The following TMCC2 variants were observed in gnomAD, a reference collection of about 807,000 sequenced individuals.
TMCC2 encodes the protein transmembrane and coiled-coil domain family 2.
In TMCC2, 16 loss-of-function variants were observed where a neutral mutation model predicts 49.4. The observed-to-expected ratio is 0.32, with a 90% confidence interval of 0.22 to 0.49. The LOEUF is 0.49. Among genes scored for constraint, TMCC2 ranks in the 20% least tolerant of loss-of-function variants. The pLI, the probability that TMCC2 is intolerant of heterozygous loss-of-function variation, is 0.99. For synonymous variants in TMCC2, 397 were observed against 434.1 expected, an observed-to-expected ratio of 0.91 and a Z score of 1.06; for missense variants, 762 against 989.8, an observed-to-expected ratio of 0.77 and a Z score of 3.09.
rs1366355955 is a variant in TMCC2, at chr1:205,264,884, A to G, written c.748-4066A>G. Among the ~76,000 whole-genome samples, 1 of 152,208 alleles carries G rather than the reference A, an allele frequency of 6.6e-6. No homozygotes were observed. Among genetic ancestry groups the G allele is most frequent in the Non-Finnish European group, 1.5e-5 (1 of 68,032 alleles). On this transcript the variant is annotated intron_variant, in intron 2 of 4. Coordinates refer to ENST00000358024, the MANE Select transcript of TMCC2 (RefSeq NM_014858.4). The surrounding 1 kb of genome is among the most constrained non-coding windows in gnomAD (Gnocchi z 4.2). Reference sequence around the variant, plus strand: ...TCTCAGATACAGAAGGCTAACTATAATTGTTATCCTTATCCTTTGTCCAAA... The same window carrying G: ...TCTCAGATACAGAAGGCTAACTATAGTTGTTATCCTTATCCTTTGTCCAAA...
At chr1:205,231,524 T>G (rs1038856004) in intron 1 of TMCC2, among the ~76,000 whole-genome samples, 1 of 152,128 alleles carries the variant, frequency 6.6e-6, no homozygotes, top group Non-Finnish European at 1.5e-5. Context: ...CTTGAACTCC[T>G]GGACTCAAGC....
Position 205,269,529 on chromosome 1 carries a change from G to A in TMCC2, c.1327G>A (p.Ala443Thr), listed in dbSNP as rs578187267. 194 of 1,613,030 alleles carry A rather than the reference G, an allele frequency of 1.2e-4. 1 individual carries two copies. In the South Asian group the frequency reaches 1.8e-3, roughly 15 times the overall value. Residue 443 changes from alanine to threonine, a missense_variant, in exon 3 of 5, where the codon GCC becomes ACC. This residue lies in a region of TMCC2 where 440 missense variants were observed against 636.7 expected (regional missense o/e 0.69). Transcript: ENST00000358024. ...RNKFGSADNI[A>T]HLKDPLEDGP... ...CAAGTTTGGCAGTGCTGACAACATC[G>A]CCCACCTGAAGGACCCCCTGGAAGA...
rs368457314 is a variant in TMCC2, at chr1:205,271,950, G to A, written c.1956G>A (p.Ala652=). The A allele has an allele frequency of 2.2e-5, 35 of 1,614,052 alleles. No homozygotes were observed. In the East Asian group the frequency reaches 3.6e-4, roughly 16 times the overall value. The change falls in exon 5 of 5, where the codon GCG becomes GCA. Residue 652 remains alanine, a synonymous_variant. Transcript: ENST00000358024. The part of the protein sequence containing the change: ...LLGKFINVIL[A]LMAVLLVFVS... ...GCAAGTTCATCAACGTGATCCTGGC[G>A]CTCATGGCCGTGCTGCTGGTGTTCG...
At chr1:205,242,297 A>T (rs768256876) in intron 2 of TMCC2, among the ~76,000 whole-genome samples, 1 of 152,206 alleles carries the variant, frequency 6.6e-6, no homozygotes. Context: ...GCTGATATTA[A>T]TGTTGACTTG....
chr1:205,250,266 C>T (rs1309834498), intron 2 of TMCC2, among the ~76,000 whole-genome samples: 1 of 152,132 alleles, frequency 6.6e-6, no homozygotes, highest in Non-Finnish European at 1.5e-5. Context: ...ATCGGCCGGG[C>T]ACGGTGGCTC....
intron 2 of TMCC2, among the ~76,000 whole-genome samples, chr1:205,253,638 A>G (rs1043878013): frequency 2.0e-5 from 3 of 152,240 alleles, no homozygotes; most frequent in African/African-American, 7.2e-5. Context: ...CTTACTCCAC[A>G]GCTCCTTTTC....
chr1:205,266,463 C>T (rs566242445), intron 2 of TMCC2, among the ~76,000 whole-genome samples: 30 of 151,604 alleles, frequency 2.0e-4, no homozygotes, highest in Admixed American at 1.9e-3. Flanking sequence ...CGTGGCGGCT[C>T]ATGCCTGTAA....
intron 2 of TMCC2, among the ~76,000 whole-genome samples, chr1:205,254,022 C>T (rs1476792615): frequency 6.6e-6 from 1 of 152,248 alleles, no homozygotes; most frequent in Non-Finnish European, 1.5e-5. Context: ...TCTCCTCCAT[C>T]TCCTGATGCC....
At chr1:205,248,708 C>T (rs936486825) in intron 2 of TMCC2, among the ~76,000 whole-genome samples, 1 of 151,958 alleles carries the variant, frequency 6.6e-6, no homozygotes, top group African/African-American at 2.4e-5. Flanking sequence ...TCCCCACCCT[C>T]TTCTCCCTCT....
chr1:205,254,389 C>T (rs1016190616), intron 2 of TMCC2, among the ~76,000 whole-genome samples: 2 of 152,106 alleles, frequency 1.3e-5, no homozygotes, highest in South Asian at 4.1e-4. Context: ...CAGGGCTCTA[C>T]AGGGCCTTTC....
chr1:205,229,545 C>CGCG, intron 1 of TMCC2: 3 of 298,366 alleles, frequency 1.0e-5, no homozygotes, highest in Non-Finnish European at 1.1e-5. Flanking sequence ...TGTGAAGGGG[C>CGCG]GGGGGGGGGG....
chr1:205,257,233 G>A (rs1366946565), intron 2 of TMCC2: 72 of 1,232,278 alleles, frequency 5.8e-5, no homozygotes, highest in Non-Finnish European at 7.0e-5. Context: ...GGGAACTCAG[G>A]CACACCTGCT....
chr1:205,240,095 A>G (rs1021902812), intron 1 of TMCC2, among the ~76,000 whole-genome samples: 4 of 152,208 alleles, frequency 2.6e-5, no homozygotes, highest in Admixed American at 6.5e-5. Flanking sequence ...TTGAGTCCCA[A>G]ATGGCTGGGC....
intron 2 of TMCC2, chr1:205,246,649 C>G (rs1660464291): frequency 6.5e-7 from 1 of 1,550,238 alleles, no homozygotes. Flanking sequence ...CCTTAATGAG[C>G]AGACACTCTG....
At chr1:205,251,908 G>C (rs1660685055) in intron 2 of TMCC2, among the ~76,000 whole-genome samples, 1 of 152,216 alleles carries the variant, frequency 6.6e-6, no homozygotes, top group Non-Finnish European at 1.5e-5. Context: ...CCAGAATTCG[G>C]TGTTTCAATC....
chr1:205,252,552 G>A (rs1389216921), intron 2 of TMCC2, among the ~76,000 whole-genome samples: 1 of 152,210 alleles, frequency 6.6e-6, no homozygotes, highest in Non-Finnish European at 1.5e-5. Context: ...TGAATACTTG[G>A]GGAGGGAACC....
chr1:205,266,311 CCGGG>C (rs1661328198), intron 2 of TMCC2, among the ~76,000 whole-genome samples: 1 of 150,172 alleles, frequency 6.7e-6, no homozygotes, highest in Non-Finnish European at 1.5e-5. Flanking sequence ...TAATTTTGGG[CCGGG>C]CGCGGTGACT....
In TMCC2 at chr1:205,241,669, G is replaced by A. The variant is rs1314566787; in HGVS notation, c.372G>A (p.Glu124=). The stretch of plus-strand genomic sequence containing the variant: ...ACCATGACTCCCCAGATGAGAAGGA[G>A]CGCTCTCCGGAGATGCATCGCGTCT... The part of the protein sequence containing the change: ...MSDHDSPDEK[E]RSPEMHRVSY... Residue 124 remains glutamate (E), a synonymous_variant, in exon 2 of 5, where the codon GAG becomes GAA. Transcript: ENST00000358024. This position sits in a 1 kb window ranked among gnomAD's most constrained non-coding sequence, Gnocchi z 7.3. 1.2e-6 allele frequency: 2 copies of A among 1,613,688 alleles called. No homozygotes were observed. The highest frequency in any genetic ancestry group is 2.7e-5 in the African/African-American group (2 of 74,926).
Position 205,228,859 on chromosome 1 carries a change from A to G in TMCC2, c.207+88A>G, listed in dbSNP as rs572996183. The stretch of plus-strand genomic sequence containing the variant: ...GAAGTGCTTTAACAGGATAAAAGTG[A>G]GGGGGGAAGCCAGGCAAAGGTCAGA... On this transcript the variant is annotated intron_variant, in intron 1 of 4. Coordinates refer to ENST00000358024, the MANE Select transcript of TMCC2 (RefSeq NM_014858.4). 3 of 1,475,340 alleles carry G rather than the reference A, an allele frequency of 2.0e-6. No individual in the cohort carries two copies. In the Admixed American group the frequency reaches 6.9e-5, roughly 34 times the overall value. 91.4% of individuals were successfully genotyped at this position (1,475,340 alleles called of 1,614,324 possible).
Sources: gnomAD v4.1 joint callset for allele counts (sites outside exome capture counted in the v4.1 genomes callset) on GRCh38, gnomAD v4.1.1 for gene constraint, gnomAD v4.1.1 regional missense constraint, Gnocchi (gnomAD v3.1) non-coding constraint, MANE v1.5 for transcripts, NCBI Gene and HGNC (gene_info 2026-07-23, HGNC 2026-07-21) for gene names.